Variants in ENTPD1 observed in about 807,000 individuals in gnomAD.
The protein encoded by ENTPD1 is ectonucleoside triphosphate diphosphohydrolase 1.
In ENTPD1, 33 loss-of-function variants were observed where a neutral mutation model predicts 57.0. The ratio of observed to expected loss-of-function variants is 0.58; its 90% CI spans 0.44 to 0.77. The LOEUF (loss-of-function observed/expected upper bound fraction) is 0.77, where lower values mean the gene tolerates loss of function less well. Among genes scored for constraint, ENTPD1 ranks in the 30% least tolerant of loss-of-function variants. The pLI, the probability that ENTPD1 is intolerant of heterozygous loss-of-function variation, is 0.00. For synonymous variants in ENTPD1, 202 were observed against 218.8 expected (o/e 0.92, Z 0.68); for missense variants, 501 against 603.4 (o/e 0.83, Z 1.78).
intron 7 of ENTPD1, among the ~76,000 whole-genome samples, chr10:95,853,827 G>A (rs1217845725): frequency 6.6e-6 from 1 of 152,082 alleles, no homozygotes; most frequent in Non-Finnish European, 1.5e-5. Context: ...TGCTGGATTC[G>A]GTTTGCCAGT....
Position 95,823,211 on chromosome 10 carries a change from T to C in ENTPD1, c.17-26T>C, listed in dbSNP as rs3176889. On this transcript the variant is annotated intron_variant, in intron 1 of 9. Coordinates refer to ENST00000371205, the MANE Select transcript of ENTPD1 (RefSeq NM_001776.6). The stretch of plus-strand genomic sequence containing the variant: ...CAGTGTTTTTGATTTCTTGTTGGTA[T>C]TTTTTTCTTCTGCTTTTGGTTTTAG... 30,498 of 1,612,854 alleles carry C rather than the reference T, an allele frequency of 0.019. 402 individuals carry two copies. Among genetic ancestry groups the C allele is most frequent in the Non-Finnish European group, 0.021 (24,969 of 1,179,182 alleles).
intron 1 of ENTPD1, among the ~76,000 whole-genome samples, chr10:95,725,199 T>G (rs1383168569): frequency 6.6e-6 from 1 of 152,218 alleles, no homozygotes; most frequent in South Asian, 2.1e-4. Flanking sequence ...AATTTTTATT[T>G]GATTCTTTGC....
At chr10:95,703,946 C>T in the ENTPD1 span, among the ~76,000 whole-genome samples, 1 of 151,500 alleles carries the variant, frequency 6.6e-6, no homozygotes, top group African/African-American at 2.4e-5. Context: ...AAAAAATTAG[C>T]CAGGCATGGT....
At chr10:95,827,218 C>G (rs1010535250) in intron 2 of ENTPD1, among the ~76,000 whole-genome samples, 1 of 152,040 alleles carries the variant, frequency 6.6e-6, no homozygotes, top group Non-Finnish European at 1.5e-5. Flanking sequence ...CTTTGGGAGG[C>G]TGAGGTGGGT....
intron 1 of ENTPD1, among the ~76,000 whole-genome samples, chr10:95,716,845 C>T (rs961911855): frequency 2.0e-5 from 3 of 152,216 alleles, no homozygotes; most frequent in Non-Finnish European, 4.4e-5. Flanking sequence ...CCTTGCTGAG[C>T]GTGACAGATG....
intron 1 of ENTPD1, among the ~76,000 whole-genome samples, chr10:95,786,533 C>T (rs146729426): frequency 6.6e-6 from 1 of 152,296 alleles, no homozygotes; most frequent in Non-Finnish European, 1.5e-5. Flanking sequence ...GAATCTGAGA[C>T]TAATGTTGTT....
At position 95,827,883 on chromosome 10, in the gene ENTPD1, G is replaced by A. The variant is rs577589691; in HGVS notation, c.144+4519G>A. 3.9e-5 allele frequency among the ~76,000 whole-genome samples: 6 copies of A among 152,244 alleles called. No homozygotes were observed. The East Asian group carries it at 1.2e-3, about 29-fold the overall frequency. ...TCAATTCCAACTAGTCACATTTCAA[G>A]TGCTCAATTGCCAGCTATTTGTTAC... On this transcript the variant is annotated intron_variant, in intron 2 of 9. Coordinates refer to ENST00000371205, the MANE Select transcript of ENTPD1 (RefSeq NM_001776.6).
chr10:95,706,291 C>T, the ENTPD1 span, among the ~76,000 whole-genome samples: 1 of 152,178 alleles, frequency 6.6e-6, no homozygotes, highest in Non-Finnish European at 1.5e-5. Context: ...TGGCCAGTAG[C>T]GCCTTTGTTC....
intron 1 of ENTPD1, among the ~76,000 whole-genome samples, chr10:95,771,863 C>A (rs2098116887): frequency 6.6e-6 from 1 of 152,086 alleles, no homozygotes; most frequent in Non-Finnish European, 1.5e-5. Flanking sequence ...TTCTTTTTAG[C>A]TTTACTGATC....
intron 2 of ENTPD1, among the ~76,000 whole-genome samples, chr10:95,824,539 T>G (rs1341812401): frequency 6.6e-6 from 1 of 152,274 alleles, no homozygotes; most frequent in Non-Finnish European, 1.5e-5. Context: ...CTTTTAATGT[T>G]GACTGATGTT....
chr10:95,738,253 C>CT (rs1297449069), intron 1 of ENTPD1, among the ~76,000 whole-genome samples: 1 of 152,194 alleles, frequency 6.6e-6, no homozygotes, highest in African/African-American at 2.4e-5. Flanking sequence ...CCTGGAATCT[C>CT]TGTGTGTGCA....
At chr10:95,724,828 A>G (rs1350250333) in intron 1 of ENTPD1, among the ~76,000 whole-genome samples, 1 of 152,196 alleles carries the variant, frequency 6.6e-6, no homozygotes, top group East Asian at 1.9e-4. Flanking sequence ...TAGAGTGAAA[A>G]CAGAGCTCCC....
At chr10:95,732,923 G>A (rs973622924) in intron 1 of ENTPD1, among the ~76,000 whole-genome samples, 4 of 152,118 alleles carry the variant, frequency 2.6e-5, no homozygotes, top group Non-Finnish European at 4.4e-5. Flanking sequence ...ATCACAGGAC[G>A]GGGGCGAAAT....
intron 1 of ENTPD1, among the ~76,000 whole-genome samples, chr10:95,800,435 G>A (rs2098244346): frequency 1.3e-5 from 2 of 152,160 alleles, no homozygotes; most frequent in South Asian, 4.1e-4. Context: ...CACTGTGCAT[G>A]CATTGTCTTG....
At chr10:95,770,663 A>G (rs531491730) in intron 1 of ENTPD1, among the ~76,000 whole-genome samples, 1 of 152,300 alleles carries the variant, frequency 6.6e-6, no homozygotes, top group South Asian at 2.1e-4. Context: ...AAGACAGCCC[A>G]AACTCCAGGC....
the ENTPD1 span, among the ~76,000 whole-genome samples, chr10:95,700,823 G>A: frequency 3.0e-4 from 43 of 144,168 alleles, no homozygotes; most frequent in African/African-American, 5.2e-5. Flanking sequence ...ACCAAGTTTC[G>A]CTCTTGTTGC....
At chr10:95,851,362 C>T (rs2098444695) in intron 7 of ENTPD1, among the ~76,000 whole-genome samples, 1 of 151,326 alleles carries the variant, frequency 6.6e-6, no homozygotes, top group Admixed American at 6.6e-5. Context: ...ACAAGTTCAA[C>T]AAAGGAGAGA....
At chr10:95,712,891 G>T (rs187593414) in intron 1 of ENTPD1, among the ~76,000 whole-genome samples, 82 of 152,248 alleles carry the variant, frequency 5.4e-4, no homozygotes, top group African/African-American at 1.9e-3. Flanking sequence ...AAAATTAGCC[G>T]GGTGTGGTGG....
intron 1 of ENTPD1, among the ~76,000 whole-genome samples, chr10:95,798,017 CA>C (rs1388137858): frequency 1.3e-5 from 2 of 152,072 alleles, no homozygotes; most frequent in Non-Finnish European, 2.9e-5. Context: ...ACCAACATCC[CA>C]AGATGGAACG....
Sources: allele counts gnomAD v4.1 joint callset (sites outside exome capture counted in the v4.1 genomes callset), GRCh38; gene constraint gnomAD v4.1.1; transcripts MANE v1.5; gene names NCBI Gene and HGNC (gene_info 2026-07-23, HGNC 2026-07-21).